The following AK4 variants were observed in gnomAD, a reference collection of about 807,000 sequenced individuals.
The protein encoded by AK4 is adenylate kinase 4, mitochondrial.
AK4 carries 13 observed loss-of-function variants against 24.6 expected under a neutral mutation model. The observed-to-expected ratio is 0.53, with a 90% CI of 0.34 to 0.84. AK4 has a LOEUF of 0.84. Ranked by LOEUF, AK4 falls within the 40% of genes least tolerant of loss-of-function variation. The pLI is 0.01. For missense variants in AK4, 192 were observed against 288.2 expected (o/e 0.67, Z 2.42); for synonymous variants, 88 against 107.0 (o/e 0.82, Z 1.10).
chr1:65,158,516 T>A (rs1650049900), intron 1 of AK4, among the ~76,000 whole-genome samples: 1 of 152,228 alleles, frequency 6.6e-6, no homozygotes, highest in Non-Finnish European at 1.5e-5. Flanking sequence ...TTTTTTTTTC[T>A]TTGAGGCGGA....
chr1:65,163,734 G>T (rs1361096669), intron 1 of AK4, among the ~76,000 whole-genome samples: 1 of 152,218 alleles, frequency 6.6e-6, no homozygotes, highest in Admixed American at 6.5e-5. Context: ...CTGTACGGGA[G>T]ACTGGCGTTT....
rs571569644 is a variant in AK4 at position 65,178,040 on chromosome 1, C to T, written c.146-12670C>T. Among the ~76,000 whole-genome samples, 26 of 151,562 alleles carry T rather than the reference C, an allele frequency of 1.7e-4. No individual in the cohort carries two copies. In the South Asian group the frequency reaches 4.8e-3, roughly 28 times the overall value. ...CATGACCGTGGCTGTCAGGGGTGAA[C>T]GATACAAAAAGTAAGGTATGGTAAA... On this transcript the variant is annotated intron_variant, in intron 1 of 4. Coordinates refer to ENST00000327299, the MANE Select transcript of AK4 (RefSeq NM_013410.4).
At chr1:65,175,380 C>T (rs1424125614) in intron 1 of AK4, among the ~76,000 whole-genome samples, 1 of 152,218 alleles carries the variant, frequency 6.6e-6, no homozygotes, top group Non-Finnish European at 1.5e-5. Flanking sequence ...GGAAGACTCT[C>T]ATGGGCAGCA....
At chr1:65,167,952 A>G (rs1484611223) in intron 1 of AK4, among the ~76,000 whole-genome samples, 1 of 152,208 alleles carries the variant, frequency 6.6e-6, no homozygotes, top group Non-Finnish European at 1.5e-5. Flanking sequence ...GTTGCTAGGC[A>G]GCACTTCTCT....
chr1:65,195,021 C>T (rs1651424220), intron 2 of AK4, among the ~76,000 whole-genome samples: 1 of 152,170 alleles, frequency 6.6e-6, no homozygotes, highest in Non-Finnish European at 1.5e-5. Flanking sequence ...TAACAGAACA[C>T]CTCAGGTTGG....
chr1:65,177,176 G>A (rs1279537816), intron 1 of AK4, among the ~76,000 whole-genome samples: 2 of 152,146 alleles, frequency 1.3e-5, no homozygotes, highest in Non-Finnish European at 2.9e-5. Flanking sequence ...CAGACTAAAT[G>A]ACAAAGGAAA....
chr1:65,201,918 A>T (rs943417387), intron 2 of AK4, among the ~76,000 whole-genome samples: 2 of 152,240 alleles, frequency 1.3e-5, no homozygotes, highest in Non-Finnish European at 2.9e-5. Context: ...AGCTAAAAAT[A>T]TGAGCAGATG....
chr1:65,210,643 C>A (rs527815553), intron 2 of AK4, among the ~76,000 whole-genome samples: 1 of 152,198 alleles, frequency 6.6e-6, no homozygotes, highest in East Asian at 1.9e-4. Flanking sequence ...ATTATTCTGT[C>A]TCCTAGTGTG....
chr1:65,199,635 G>A (rs528338299), intron 2 of AK4, among the ~76,000 whole-genome samples: 1 of 152,192 alleles, frequency 6.6e-6, no homozygotes, highest in Non-Finnish European at 1.5e-5. Flanking sequence ...AGTTTGTGTT[G>A]TAAAGTAGGT....
In AK4 at chr1:65,224,815, G is replaced by A. The variant is rs1358244822; in HGVS notation, c.502G>A (p.Ala168Thr). The A allele has an allele frequency of 6.2e-7, 1 of 1,613,940 alleles. No individual in the cohort carries two copies. Among genetic ancestry groups the A allele is most frequent in the Non-Finnish European group, 8.5e-7 (1 of 1,179,994 alleles). The change falls in exon 4 of 5, where the codon GCT becomes ACT. Residue 168 changes from alanine to threonine, a missense_variant. By Grantham distance (58) the Ala-to-Thr change is moderately conservative. Transcript: ENST00000327299. ...GGAGGATGATAAACCCGAAGCAGTT[G>A]CTGCCAGGCTAAGACAGTACAAAGA... ...QQEDDKPEAVAARLRQYKDVA... is the reference protein window; with the variant it reads ...QQEDDKPEAVTARLRQYKDVA...
chr1:65,176,790 GAACA>G (rs1217384136), intron 1 of AK4, among the ~76,000 whole-genome samples: 2 of 152,178 alleles, frequency 1.3e-5, no homozygotes, highest in Non-Finnish European at 2.9e-5. Flanking sequence ...GCTGAAAGCA[GAACA>G]AAGAGCTGGG....
At chr1:65,223,757 G>A (rs900636664) in intron 3 of AK4, among the ~76,000 whole-genome samples, 2 of 152,080 alleles carry the variant, frequency 1.3e-5, no homozygotes, top group East Asian at 3.9e-4. Context: ...CACTTTGGGA[G>A]GCCAAGGCAG....
rs1248505897 is a variant in AK4 at position 65,231,938 on chromosome 1, A to G, written c.*5761A>G. 6.6e-6 allele frequency: 1 copy of G among 152,140 alleles called. No individual in the cohort carries two copies. The highest frequency in any genetic ancestry group is 1.5e-5 in the Non-Finnish European group (1 of 68,048). 9.4% of individuals were successfully genotyped at this position (152,140 alleles called of 1,614,324 possible). ...GTTTCCCAGAAGTCGTGTGTTTATG[A>G]TGAGTCAGAGTGCTTTTCCTCGGTG... is the stretch of plus-strand genomic sequence containing the variant. On this transcript the variant is annotated 3_prime_UTR_variant, in exon 5 of 5. Coordinates refer to ENST00000327299, the MANE Select transcript of AK4 (RefSeq NM_013410.4).
At chr1:65,161,455 G>A (rs997906881) in intron 1 of AK4, among the ~76,000 whole-genome samples, 2 of 152,158 alleles carry the variant, frequency 1.3e-5, no homozygotes, top group Admixed American at 6.5e-5. Context: ...AGACAAGGCA[G>A]CAAGGAGTGC....
At chr1:65,153,518 G>T (rs1466142912) in intron 1 of AK4, among the ~76,000 whole-genome samples, 2 of 152,042 alleles carry the variant, frequency 1.3e-5, no homozygotes, top group African/African-American at 2.4e-5. Flanking sequence ...CAGTCTGCCC[G>T]CCTCGGCCTC....
intron 1 of AK4, among the ~76,000 whole-genome samples, chr1:65,184,916 C>T (rs1651044984): frequency 6.6e-6 from 1 of 152,174 alleles, no homozygotes; most frequent in African/African-American, 2.4e-5. Flanking sequence ...ATGTTGCTTG[C>T]CCTGCTTCAG....
chr1:65,187,443 G>C (rs958606438), intron 1 of AK4, among the ~76,000 whole-genome samples: 7 of 151,804 alleles, frequency 4.6e-5, no homozygotes, highest in African/African-American at 1.5e-4. Flanking sequence ...ATGAGAAGAA[G>C]GAGTGACTGC....
chr1:65,149,891 G>C (rs1252630553), intron 1 of AK4, among the ~76,000 whole-genome samples: 2 of 152,082 alleles, frequency 1.3e-5, no homozygotes, highest in Non-Finnish European at 2.9e-5. Flanking sequence ...TTTTATTCTT[G>C]AAATGCTGCG....
Position 65,227,029 on chromosome 1 carries a change from A to AAC in AK4, c.*852_*853insAC, listed in dbSNP as rs1553128310. 7.1e-6 allele frequency: 1 copy of AAC among 141,434 alleles called. No homozygotes were observed. The highest frequency in any genetic ancestry group is 7.1e-5 in the Admixed American group (1 of 14,072). The allele number at this position is 141,434 out of a possible 1,614,324, so 8.8% of individuals were successfully genotyped here. A position where few individuals can be genotyped will look rare whatever the true frequency, so the allele number is the denominator to read the frequency against. ...TCTTTTATTGTGAAAAAAAAAAAAA[A>AAC]CCCTGAAAGTCTTGGGAACCCCCTA... On this transcript the variant is annotated 3_prime_UTR_variant, in exon 5 of 5. Coordinates refer to ENST00000327299, the MANE Select transcript of AK4 (RefSeq NM_013410.4).
Sources: allele counts gnomAD v4.1 joint callset (sites outside exome capture counted in the v4.1 genomes callset), GRCh38; gene constraint gnomAD v4.1.1; transcripts MANE v1.5; gene names NCBI Gene and HGNC (gene_info 2026-07-23, HGNC 2026-07-21).